NEK1: variants seen among roughly 807,000 people sequenced by gnomAD.
NEK1 encodes NIMA related kinase 1.
In NEK1, 137 loss-of-function variants were observed where a neutral mutation model predicts 182.1. The observed-to-expected ratio is 0.75, with a 90% CI of 0.65 to 0.87. The LOEUF (loss-of-function observed/expected upper bound fraction) is 0.87. NEK1 is among the 40% of genes least tolerant of loss of function. The probability of loss-of-function intolerance (pLI) is 0.00; values close to 1 mark genes in which losing one functional copy is unlikely to be tolerated. For synonymous variants in NEK1, 513 were observed against 492.2 expected (o/e 1.04, Z -0.56); for missense variants, 1,391 against 1,494.4 (o/e 0.93, Z 1.14).
intron 10 of NEK1, among the ~76,000 whole-genome samples, chr4:169,585,046 G>A (rs897512736): frequency 6.6e-6 from 1 of 152,034 alleles, no homozygotes; most frequent in Non-Finnish European, 1.5e-5. Context: ...AATATTAGCT[G>A]AGTGTGGTGG....
At chr4:169,508,224 C>CA (rs747777793) in intron 21 of NEK1, 24 bp downstream of exon 21, 11 of 1,556,124 alleles carry the variant, frequency 7.1e-6, no homozygotes, top group Admixed American at 2.0e-5. Flanking sequence ...TCAATTTCTT[C>CA]AAAAAAATAG....
intron 31 of NEK1, among the ~76,000 whole-genome samples, chr4:169,409,575 C>T (rs1222871366): frequency 6.6e-6 from 1 of 152,196 alleles, no homozygotes; most frequent in East Asian, 1.9e-4. Flanking sequence ...TTGAGACTAC[C>T]CTGGCTAACA....
chr4:169,571,297 A>G (rs1764813864), intron 12 of NEK1, among the ~76,000 whole-genome samples: 1 of 152,190 alleles, frequency 6.6e-6, no homozygotes, highest in Non-Finnish European at 1.5e-5. Context: ...AGGTAGGTGG[A>G]TTACTTGAGG....
intron 35 of NEK1, among the ~76,000 whole-genome samples, chr4:169,397,059 C>CA (rs1474640995): frequency 4.6e-5 from 7 of 151,714 alleles, no homozygotes; most frequent in Admixed American, 2.0e-4. Context: ...CCATCTCTGC[C>CA]AAAAAAATAC....
intron 23 of NEK1, among the ~76,000 whole-genome samples, chr4:169,487,025 A>G (rs1367164328): frequency 6.6e-6 from 1 of 152,232 alleles, no homozygotes; most frequent in African/African-American, 2.4e-5. Context: ...AAAAGGACCC[A>G]TCATCACATA....
rs1253878137 is a variant in NEK1 at position 169,426,138 on chromosome 4, A to T, written c.2974+8T>A. 1.2e-6 allele frequency: 2 copies of T among 1,604,640 alleles called. No individual in the cohort carries two copies. The highest frequency in any genetic ancestry group is 1.7e-6 in the Non-Finnish European group (2 of 1,171,916). ...AGAAAGTAATTAGACTAATGCAATG[A>T]TGCTTACCTATATGAATGTCACTAA... On this transcript the variant is annotated splice_region_variant and intron_variant, in intron 30 of 35. Transcript: ENST00000507142.
At chr4:169,561,109 C>T (rs1348652459) in intron 16 of NEK1, among the ~76,000 whole-genome samples, 1 of 152,114 alleles carries the variant, frequency 6.6e-6, no homozygotes, top group Non-Finnish European at 1.5e-5. Context: ...GGAGAGACAA[C>T]AGGGATCAGA....
chr4:169,543,785 T>G (rs765264156), intron 18 of NEK1, among the ~76,000 whole-genome samples: 1 of 152,212 alleles, frequency 6.6e-6, no homozygotes, highest in African/African-American at 2.4e-5. Context: ...TGGCTGTTTG[T>G]CTGTTATTGC....
intron 26 of NEK1, among the ~76,000 whole-genome samples, chr4:169,474,694 C>T (rs1230602043): frequency 6.6e-6 from 1 of 152,170 alleles, no homozygotes; most frequent in African/African-American, 2.4e-5. Context: ...AATTTTATCT[C>T]TGTCTGTTCC....
At chr4:169,420,351 G>T (rs1032485463) in intron 31 of NEK1, among the ~76,000 whole-genome samples, 3 of 152,110 alleles carry the variant, frequency 2.0e-5, no homozygotes, top group Admixed American at 6.6e-5. Context: ...CCAAAATAAT[G>T]ATAAAAAGTA....
chr4:169,477,099 G>T, intron 26 of NEK1, 25 bp downstream of exon 26: 2 of 1,479,774 alleles, frequency 1.4e-6, no homozygotes, highest in Non-Finnish European at 1.9e-6. Context: ...ACCTAAATAG[G>T]ATATTAATAT....
At chr4:169,471,860 T>C (rs1746038354) in intron 26 of NEK1, among the ~76,000 whole-genome samples, 1 of 152,158 alleles carries the variant, frequency 6.6e-6, no homozygotes, top group African/African-American at 2.4e-5. Flanking sequence ...CTCTAGATTC[T>C]GGCTACAGCG....
chr4:169,541,974 C>T (rs1759501995), intron 18 of NEK1, among the ~76,000 whole-genome samples: 1 of 152,100 alleles, frequency 6.6e-6, no homozygotes, highest in Non-Finnish European at 1.5e-5. Context: ...TCAATTCTTC[C>T]AAGTTTGCTC....
At chr4:169,568,410 A>T (rs1044004119) in intron 12 of NEK1, among the ~76,000 whole-genome samples, 7 of 152,192 alleles carry the variant, frequency 4.6e-5, no homozygotes, top group African/African-American at 1.7e-4. Flanking sequence ...CTATTAGAAA[A>T]CATAAAACAT....
At chr4:169,561,997 T>C in intron 13 of NEK1, 106 bp from the exon 14 acceptor site, 2 of 1,133,994 alleles carry the variant, frequency 1.8e-6, no homozygotes, top group Non-Finnish European at 2.5e-6. Flanking sequence ...ATGAGGTTTT[T>C]TTTTTAAAAA....
At chr4:169,476,461 C>T (rs945195202) in intron 26 of NEK1, among the ~76,000 whole-genome samples, 1 of 151,874 alleles carries the variant, frequency 6.6e-6, no homozygotes, top group Non-Finnish European at 1.5e-5. Context: ...TGGTAGGTAC[C>T]CAATAAAGAA....
intron 19 of NEK1, among the ~76,000 whole-genome samples, chr4:169,536,296 C>CAAA (rs386402227): frequency 1.3e-4 from 12 of 90,362 alleles, no homozygotes; most frequent in African/African-American, 3.4e-4. Context: ...GAGTTTGTCT[C>CAAA]AAAAAAAAAA....
intron 27 of NEK1, among the ~76,000 whole-genome samples, chr4:169,443,634 T>C (rs1031426706): frequency 1.3e-5 from 2 of 150,660 alleles, no homozygotes; most frequent in Non-Finnish European, 2.9e-5. Flanking sequence ...CAGCTGAAAA[T>C]TTCCCAAGCC....
At chr4:169,553,773 T>A (rs1312825700) in intron 18 of NEK1, among the ~76,000 whole-genome samples, 2 of 152,138 alleles carry the variant, frequency 1.3e-5, no homozygotes, top group Admixed American at 6.5e-5. Context: ...CATTAGGGAA[T>A]TGTAATTAAA....
Sources: allele counts gnomAD v4.1 joint callset (sites outside exome capture counted in the v4.1 genomes callset), GRCh38; gene constraint gnomAD v4.1.1; transcripts MANE v1.5; gene names NCBI Gene and HGNC (gene_info 2026-07-23, HGNC 2026-07-21).